LRRC4C: variants seen among roughly 807,000 people sequenced by gnomAD.
The protein encoded by LRRC4C is leucine rich repeat containing 4C.
A neutral mutation model predicts 33.6 loss-of-function variants in LRRC4C; 5 were observed. The ratio of observed to expected loss-of-function variants is 0.15; its 90% CI spans 0.08 to 0.31. The LOEUF is 0.31. LRRC4C is among the 10% of genes least tolerant of loss of function. The pLI is 1.00. For synonymous variants in LRRC4C, 329 were observed against 302.0 expected, an observed-to-expected ratio of 1.09 and a Z score of -0.93; for missense variants, 560 against 796.7, an observed-to-expected ratio of 0.70 and a Z score of 3.58.
intron 1 of LRRC4C, among the ~76,000 whole-genome samples, chr11:41,046,972 T>A (rs1382902550): frequency 6.6e-6 from 1 of 152,094 alleles, no homozygotes; most frequent in East Asian, 1.9e-4. Flanking sequence ...ATTTTGGATA[T>A]GACATCAAAA....
chr11:41,291,798 AAAG>A (rs1296336852), intron 1 of LRRC4C, among the ~76,000 whole-genome samples: 4 of 152,168 alleles, frequency 2.6e-5, no homozygotes, highest in Admixed American at 6.5e-5. Context: ...AACAAGGGGA[AAAG>A]AAGGAGGAGA....
At chr11:40,486,041 A>T (rs1383422446) in intron 3 of LRRC4C, among the ~76,000 whole-genome samples, 3 of 151,778 alleles carry the variant, frequency 2.0e-5, no homozygotes, top group African/African-American at 7.3e-5. Flanking sequence ...ATAACAAATG[A>T]GTACTAGGCT....
chr11:41,446,043 T>C (rs1955815488), intron 1 of LRRC4C, among the ~76,000 whole-genome samples: 1 of 152,158 alleles, frequency 6.6e-6, no homozygotes, highest in Non-Finnish European at 1.5e-5. Flanking sequence ...AATAAAAAAA[T>C]GACTCAATAA....
At chr11:40,796,455 G>C (rs1282222747) in intron 2 of LRRC4C, among the ~76,000 whole-genome samples, 1 of 152,072 alleles carries the variant, frequency 6.6e-6, no homozygotes, top group Non-Finnish European at 1.5e-5. Flanking sequence ...GGCCACTTTA[G>C]CCAGATTCTG....
intron 2 of LRRC4C, among the ~76,000 whole-genome samples, chr11:40,777,224 T>A (rs757765563): frequency 6.6e-6 from 1 of 152,206 alleles, no homozygotes; most frequent in African/African-American, 2.4e-5. Flanking sequence ...ATTCTGTAGA[T>A]GTCTATTATG....
intron 4 of LRRC4C, among the ~76,000 whole-genome samples, chr11:40,280,337 A>G (rs558142538): frequency 2.6e-5 from 4 of 152,354 alleles, no homozygotes; most frequent in Admixed American, 2.6e-4. Context: ...CTGTGCCGGC[A>G]AAGCACTTTG....
chr11:41,259,101 A>G (rs1239297585), intron 1 of LRRC4C, among the ~76,000 whole-genome samples: 1 of 151,982 alleles, frequency 6.6e-6, no homozygotes, highest in East Asian at 1.9e-4. Context: ...CACAACTTTA[A>G]TCAGTAACAG....
chr11:40,182,524 ACTT>A (rs1297919018), intron 5 of LRRC4C, among the ~76,000 whole-genome samples: 3 of 152,224 alleles, frequency 2.0e-5, no homozygotes, highest in African/African-American at 4.8e-5. Flanking sequence ...TTTTCCAAAA[ACTT>A]CTTATTTTAG....
intron 1 of LRRC4C, among the ~76,000 whole-genome samples, chr11:40,984,178 GGAAA>G (rs1430862624): frequency 5.3e-4 from 74 of 140,586 alleles, no homozygotes; most frequent in African/African-American, 1.8e-3. Context: ...AAGAAAGGAA[GGAAA>G]GGAAGGAAGG....
At chr11:41,346,719 G>A (rs955968233) in intron 1 of LRRC4C, among the ~76,000 whole-genome samples, 3 of 152,160 alleles carry the variant, frequency 2.0e-5, no homozygotes, top group African/African-American at 7.2e-5. Context: ...GTTCCAAAAA[G>A]TTCCGCATTA....
intron 1 of LRRC4C, among the ~76,000 whole-genome samples, chr11:41,285,877 T>C (rs1298302707): frequency 2.6e-5 from 4 of 152,196 alleles, no homozygotes; most frequent in Non-Finnish European, 5.9e-5. Flanking sequence ...TCACCCAGGC[T>C]GGAGCGCAGT....
At chr11:40,777,833 G>A (rs1237412301) in intron 2 of LRRC4C, among the ~76,000 whole-genome samples, 6 of 151,722 alleles carry the variant, frequency 4.0e-5, no homozygotes, top group South Asian at 2.1e-4. Flanking sequence ...GACTACAGGC[G>A]CCCGCCACCA....
intron 1 of LRRC4C, among the ~76,000 whole-genome samples, chr11:41,445,858 G>A (rs1194216105): frequency 7.0e-6 from 1 of 143,714 alleles, no homozygotes; most frequent in Non-Finnish European, 1.5e-5. Context: ...GTATGAATGA[G>A]TGACTGCATG....
chr11:40,121,449 G>T (rs886860005), intron 6 of LRRC4C, among the ~76,000 whole-genome samples: 1 of 152,116 alleles, frequency 6.6e-6, no homozygotes, highest in Non-Finnish European at 1.5e-5. Flanking sequence ...TCTAAATTAT[G>T]TTACTTTATA....
chr11:41,341,624 A>G (rs967941766), intron 1 of LRRC4C, among the ~76,000 whole-genome samples: 20 of 152,358 alleles, frequency 1.3e-4, no homozygotes, highest in African/African-American at 4.8e-4. Flanking sequence ...GAAGAAGCTC[A>G]CAGGCAGAAT....
Position 40,590,962 on chromosome 11 carries a change from C to A in LRRC4C, c.-270+57180G>T, listed in dbSNP as rs954159567. ...CTGTGCCCTGCCCCCAGAGGTGGAGCCTACAGAGGCAGGCAGGCCTCCTTG... is the reference window on the plus strand; with the variant it reads ...CTGTGCCCTGCCCCCAGAGGTGGAGACTACAGAGGCAGGCAGGCCTCCTTG... On this transcript the variant is annotated intron_variant, in intron 3 of 6. Coordinates refer to ENST00000528697, the MANE Select transcript of LRRC4C (RefSeq NM_001258419.2). Among the ~76,000 whole-genome samples, 293 of 152,294 alleles carry A rather than the reference C, an allele frequency of 1.9e-3. 1 individual carries two copies. The highest frequency in any genetic ancestry group is 3.7e-3 in the Admixed American group (57 of 15,306).
intron 4 of LRRC4C, among the ~76,000 whole-genome samples, chr11:40,296,533 A>C (rs1944521565): frequency 6.6e-6 from 1 of 152,280 alleles, no homozygotes; most frequent in Non-Finnish European, 1.5e-5. Flanking sequence ...AACATGGGGA[A>C]CAGCTGTATA....
At chr11:41,409,657 T>C (rs1254946037) in intron 1 of LRRC4C, among the ~76,000 whole-genome samples, 2 of 152,128 alleles carry the variant, frequency 1.3e-5, no homozygotes, top group Non-Finnish European at 2.9e-5. Context: ...AAGAATAGGA[T>C]GCTAAAGGTG....
At chr11:40,410,272 T>C (rs1023000398) in intron 3 of LRRC4C, among the ~76,000 whole-genome samples, 2 of 152,120 alleles carry the variant, frequency 1.3e-5, no homozygotes, top group African/African-American at 4.8e-5. Context: ...TTATAATATA[T>C]CTTACTTAAC....
Sources: allele counts gnomAD v4.1 joint callset (sites outside exome capture counted in the v4.1 genomes callset), GRCh38; gene constraint gnomAD v4.1.1; transcripts MANE v1.5; gene names NCBI Gene and HGNC (gene_info 2026-07-23, HGNC 2026-07-21).